LAMA1: variants seen among roughly 807,000 people sequenced by gnomAD.
LAMA1 encodes the protein laminin subunit alpha-1.
A neutral mutation model predicts 348.7 loss-of-function variants in LAMA1; 219 were observed. That is an observed-to-expected ratio of 0.63 (90% confidence interval 0.56 to 0.70). The LOEUF (loss-of-function observed/expected upper bound fraction) is 0.70. LAMA1 is among the 30% of genes least tolerant of loss of function. LAMA1 has a pLI of 0.00. For synonymous variants in LAMA1, 1,487 were observed against 1,491.0 expected, an observed-to-expected ratio of 1.00 and a Z score of 0.06; for missense variants, 3,744 against 3,888.0, an observed-to-expected ratio of 0.96 and a Z score of 0.99.
intron 3 of LAMA1, among the ~76,000 whole-genome samples, chr18:7,078,661 A>G (rs1301981929): frequency 6.6e-6 from 1 of 152,160 alleles, no homozygotes; most frequent in African/African-American, 2.4e-5. Flanking sequence ...TTCCTTGTAC[A>G]TCAATATATG....
Position 6,965,396 on chromosome 18 carries a change from C to T in LAMA1, c.7087G>A (p.Val2363Met). ...FLSIELFRGR[V>M]KVMTDLGSGP... ...GAACCCAGGTCAGTCATAACCTTCA[C>T]TCTGCCACGAAACAGCTCGATGGAT... The change falls in exon 50 of 63, where the codon GTG becomes ATG. Residue 2363 changes from valine to methionine, a missense_variant. Physicochemically the swap from Val to Met is conservative, Grantham distance 21. Transcript: ENST00000389658. The T allele has an allele frequency of 1.2e-6, 2 of 1,614,150 alleles. No individual in the cohort carries two copies. Among genetic ancestry groups the T allele is most frequent in the Non-Finnish European group, 1.7e-6 (2 of 1,180,018 alleles).
chr18:7,025,692 G>A (rs1177314998), intron 17 of LAMA1, among the ~76,000 whole-genome samples: 1 of 152,172 alleles, frequency 6.6e-6, no homozygotes, highest in East Asian at 1.9e-4. Context: ...CCACTGGTAA[G>A]TAGACAACAT....
At chr18:7,045,402 G>A (rs1255782637) in intron 6 of LAMA1, among the ~76,000 whole-genome samples, 6 of 151,950 alleles carry the variant, frequency 3.9e-5, no homozygotes, top group East Asian at 1.9e-4. Flanking sequence ...CCCAGGATGC[G>A]GAGGTTGCAG....
At chr18:6,997,939 C>T (rs530645056) in intron 32 of LAMA1, 55 bp from the exon 33 acceptor site, 27 of 1,541,266 alleles carry the variant, frequency 1.8e-5, no homozygotes, top group Non-Finnish European at 2.2e-5. Context: ...GTGGTCTGCC[C>T]ATTTTTTCAT....
Position 7,034,543 on chromosome 18 carries a change from G to GTCCTT in LAMA1, c.1986_1987insAAGGA (p.Leu663LysfsTer6). The GTCCTT allele has an allele frequency of 6.2e-7, 1 of 1,614,134 alleles. No individual in the cohort carries two copies. The highest frequency in any genetic ancestry group is 8.5e-7 in the Non-Finnish European group (1 of 1,180,038). ...ATCAAAAGATGTGTCACATTGGCAA[G>GTCCTT]GACAGTCATCAGCTGGTCACGATCA... On this transcript the variant is annotated frameshift_variant, in exon 14 of 63. Transcript: ENST00000389658. LOFTEE classifies it high-confidence loss of function.
At chr18:7,099,713 A>C (rs1446911243) in intron 1 of LAMA1, among the ~76,000 whole-genome samples, 2 of 151,886 alleles carry the variant, frequency 1.3e-5, no homozygotes, top group African/African-American at 2.4e-5. Context: ...TAAAAATAAT[A>C]AAAAATAAAA....
intron 3 of LAMA1, among the ~76,000 whole-genome samples, chr18:7,054,120 T>G (rs926815957): frequency 6.6e-6 from 1 of 152,150 alleles, no homozygotes; most frequent in Admixed American, 6.5e-5. Context: ...ATATTCGACA[T>G]GCTGGAGCTG....
chr18:7,083,409 C>A (rs149897964), intron 1 of LAMA1, among the ~76,000 whole-genome samples: 1,570 of 151,960 alleles, frequency 0.01, 28 homozygotes, highest in African/African-American at 0.036. Flanking sequence ...TGGTCTTGAT[C>A]TTCTGACCTC....
chr18:6,957,026 C>A, intron 55 of LAMA1: 1 of 454,316 alleles, frequency 2.2e-6, no homozygotes. Context: ...TGAGCACCCC[C>A]CAGGTCAGCT....
chr18:7,083,553 T>C (rs1407397702), intron 1 of LAMA1, among the ~76,000 whole-genome samples: 5 of 152,128 alleles, frequency 3.3e-5, no homozygotes, highest in Admixed American at 3.3e-4. Context: ...GAAATATACT[T>C]CATTAGCATG....
Position 7,116,636 on chromosome 18 carries a change from C to T in LAMA1, c.61+1024G>A, listed in dbSNP as rs1372133365. Among the ~76,000 whole-genome samples, 9 of 152,238 alleles carry T rather than the reference C, an allele frequency of 5.9e-5. No homozygotes were observed. The South Asian group carries it at 1.0e-3, about 18-fold the overall frequency. ...TGAAGTTTATATTCGTGGGAATACG[C>T]CCATTGTCATGTGCTGCATACATTA... On this transcript the variant is annotated intron_variant, in intron 1 of 62. Coordinates refer to ENST00000389658, the MANE Select transcript of LAMA1 (RefSeq NM_005559.4).
At chr18:7,055,453 CAAAA>C (rs57670126) in intron 3 of LAMA1, among the ~76,000 whole-genome samples, 3 of 61,762 alleles carry the variant, frequency 4.9e-5, no homozygotes, top group Non-Finnish European at 6.6e-5. Context: ...AACTCCGTCT[CAAAA>C]AAAAAAAAAA....
intron 59 of LAMA1, 45 bp downstream of exon 59, chr18:6,949,056 C>A: frequency 1.2e-6 from 2 of 1,612,022 alleles, no homozygotes; most frequent in Non-Finnish European, 1.7e-6. Context: ...AAAATAAACA[C>A]GAACACAACG....
chr18:7,007,913 T>TTATTTATTTATTTATTTATTTA (rs59784736), intron 28 of LAMA1, among the ~76,000 whole-genome samples: 8 of 136,742 alleles, frequency 5.9e-5, no homozygotes, highest in South Asian at 2.4e-4. Context: ...ATTACTCCAC[T>TTATTTATTTATTTATTTATTTA]TTTATTTATT....
intron 1 of LAMA1, among the ~76,000 whole-genome samples, chr18:7,085,529 C>T (rs533018212): frequency 1.4e-4 from 21 of 150,690 alleles, no homozygotes; most frequent in African/African-American, 4.4e-4. Context: ...TGCCATTCTC[C>T]TGTCTCAGCC....
intron 57 of LAMA1, 64 bp from the exon 58 acceptor site, chr18:6,951,035 A>G (rs1403536704): frequency 5.7e-6 from 8 of 1,410,188 alleles, no homozygotes; most frequent in East Asian, 2.4e-5. Flanking sequence ...TAAAACCTCA[A>G]AAGAGGACCC....
rs780385234 is a variant in LAMA1, at chr18:6,942,218, A to G, written c.9089T>C (p.Leu3030Pro). Residue 3030 changes from leucine (L) to proline (P), a missense_variant, in exon 63 of 63, where the codon CTG (leucine) becomes CCG (proline). Transcript: ENST00000389658. ...GYPAGVKQKC[L>P]RSQTSFRGCL... ...CCCGCGGAACGAGGTCTGGCTGCGC[A>G]GGCATTTTTGCTTCACACCAGCTGT... The G allele has an allele frequency of 6.2e-7, 1 of 1,614,166 alleles. No homozygotes were observed. The highest frequency in any genetic ancestry group is 8.5e-7 in the Non-Finnish European group (1 of 1,180,042).
At chr18:7,048,933 T>C (rs1419564146) in intron 5 of LAMA1, 145 bp downstream of exon 5, 1 of 780,006 alleles carries the variant, frequency 1.3e-6, no homozygotes, top group Non-Finnish European at 2.1e-6. Context: ...CAATCTTACA[T>C]GAAATAAGGA....
chr18:7,054,634 G>A (rs1381671460), intron 3 of LAMA1, among the ~76,000 whole-genome samples: 1 of 152,286 alleles, frequency 6.6e-6, no homozygotes, highest in Admixed American at 6.5e-5. Context: ...CTAAACGTGT[G>A]TGTGTGTACA....
Sources: allele counts gnomAD v4.1 joint callset (sites outside exome capture counted in the v4.1 genomes callset), GRCh38; gene constraint gnomAD v4.1.1; transcripts MANE v1.5; gene names NCBI Gene and HGNC (gene_info 2026-07-23, HGNC 2026-07-21).